Variants in KMT2C observed in about 807,000 individuals in gnomAD.
The protein encoded by KMT2C is histone-lysine N-methyltransferase 2C.
In KMT2C, 88 loss-of-function variants were observed where a neutral mutation model predicts 507.9. The ratio of observed to expected loss-of-function variants is 0.17; its 90% confidence interval spans 0.15 to 0.21. The LOEUF (loss-of-function observed/expected upper bound fraction) is 0.21, where lower values mean the gene tolerates loss of function less well. KMT2C is among the 10% of genes least tolerant of loss of function. The pLI is 1.00. For missense variants in KMT2C, 4,954 were observed against 5,957.8 expected, an observed-to-expected ratio of 0.83 and a Z score of 5.55; for synonymous variants, 2,049 against 2,080.8, an observed-to-expected ratio of 0.98 and a Z score of 0.42.
At chr7:152,316,829 CA>C (rs59137971) in intron 3 of KMT2C, among the ~76,000 whole-genome samples, 5,820 of 144,632 alleles carry the variant, frequency 0.04, 380 homozygotes, top group African/African-American at 0.14. Context: ...AGTGTAATTT[CA>C]AAAAAAAAAA....
chr7:152,209,454 C>CA (rs71198766), intron 23 of KMT2C, among the ~76,000 whole-genome samples: 5,228 of 70,598 alleles, frequency 0.074, 416 homozygotes, highest in African/African-American at 0.18. Flanking sequence ...GACTCCGTCT[C>CA]AAAAAAAAAA....
intron 7 of KMT2C, among the ~76,000 whole-genome samples, chr7:152,266,061 T>C (rs1278663923): frequency 1.3e-5 from 2 of 152,300 alleles, no homozygotes; most frequent in African/African-American, 4.8e-5. Flanking sequence ...ATAAAAAATA[T>C]GCCTGTATAT....
chr7:152,164,059 C>T (rs1206870701), intron 42 of KMT2C, among the ~76,000 whole-genome samples: 4 of 152,136 alleles, frequency 2.6e-5, no homozygotes, highest in Non-Finnish European at 5.9e-5. Context: ...TGTAAAAGTG[C>T]TTCACATATG....
chr7:152,290,273 TATATATATATATATATA>T (rs2096395758), intron 6 of KMT2C, among the ~76,000 whole-genome samples: 2 of 29,752 alleles, frequency 6.7e-5, no homozygotes, highest in Non-Finnish European at 1.3e-4. Context: ...TATATATATA[TATATATATATATATATA>T]TATATTTTTT....
rs62481490 is a variant in KMT2C, at chr7:152,176,718, G to A, written c.8735C>T (p.Thr2912Ile). 2.5e-6 allele frequency: 4 copies of A among 1,614,188 alleles called. No homozygotes were observed. The highest frequency in any genetic ancestry group is 1.6e-4 in the Middle Eastern group (1 of 6,062). Reference protein sequence around the residue: ...AQDVINSCGITGSTPVLSSLL... With the variant: ...AQDVINSCGIIGSTPVLSSLL... ...ACTTGAGAGAACTGGAGTTGATCCAGTTATGCCACAAGAGTTTATTACATC... is the reference window on the plus strand; with the variant it reads ...ACTTGAGAGAACTGGAGTTGATCCAATTATGCCACAAGAGTTTATTACATC... Residue 2912 changes from threonine (T) to isoleucine (I), a missense_variant, in exon 38 of 59, where the codon ACT becomes ATT. Thr to Ile is a moderately conservative substitution (Grantham distance 89). Coordinates refer to ENST00000262189, the MANE Select transcript of KMT2C (RefSeq NM_170606.3).
chr7:152,194,237 T>G lies in KMT2C; in HGVS notation c.4532A>C (p.Lys1511Thr). 1 of 1,533,370 alleles carries G rather than the reference T, an allele frequency of 6.5e-7. No homozygotes were observed. The allele number at this position is 1,533,370 out of a possible 1,614,324, so 95.0% of individuals were successfully genotyped here. Residue 1511 changes from lysine (K) to threonine (T), a missense_variant, in exon 30 of 59, where the codon AAA becomes ACA. By Grantham distance (78) the Lys-to-Thr change is moderately conservative. Coordinates refer to ENST00000262189, the MANE Select transcript of KMT2C (RefSeq NM_170606.3). Reference sequence around the variant, plus strand: ...AATCAAAACACATTTACCTGGAATTTTATATAATTTTCCAAGAATTGCTCC... The same window carrying G: ...AATCAAAACACATTTACCTGGAATTGTATATAATTTTCCAAGAATTGCTCC... ...TDGAILGKLY[K>T]IPELGGKDVE...
chr7:152,282,214 T>C (rs1411390906), intron 6 of KMT2C, among the ~76,000 whole-genome samples: 1 of 151,760 alleles, frequency 6.6e-6, no homozygotes, highest in East Asian at 1.9e-4. Context: ...GGAGAATCGC[T>C]TGAACCCAAG....
At chr7:152,420,569 GC>G (rs2097771187) in intron 1 of KMT2C, among the ~76,000 whole-genome samples, 1 of 152,168 alleles carries the variant, frequency 6.6e-6, no homozygotes, top group South Asian at 2.1e-4. Context: ...TGGCTCAGTG[GC>G]TCACACCTGT....
At chr7:152,339,250 T>C (rs956162520) in intron 2 of KMT2C, among the ~76,000 whole-genome samples, 1 of 152,246 alleles carries the variant, frequency 6.6e-6, no homozygotes, top group African/African-American at 2.4e-5. Flanking sequence ...TCTTTATTTT[T>C]ACTAACCTCT....
chr7:152,301,551 G>A (rs1342444137), intron 6 of KMT2C, among the ~76,000 whole-genome samples: 1 of 151,994 alleles, frequency 6.6e-6, no homozygotes, highest in Non-Finnish European at 1.5e-5. Context: ...GCCAGGTGTG[G>A]TGGCATGCAT....
chr7:152,210,123 C>A (rs1357515154), intron 23 of KMT2C, among the ~76,000 whole-genome samples: 3 of 152,146 alleles, frequency 2.0e-5, no homozygotes, highest in African/African-American at 7.2e-5. Context: ...CTGCCAGACC[C>A]CACGTTTCCC....
At chr7:152,365,936 A>G (rs755707995) in intron 1 of KMT2C, among the ~76,000 whole-genome samples, 2 of 152,214 alleles carry the variant, frequency 1.3e-5, no homozygotes, top group Non-Finnish European at 2.9e-5. Context: ...AAATGAGCAA[A>G]GAACTTCCAC....
At chr7:152,221,154 G>A (rs1190735152) in intron 22 of KMT2C, among the ~76,000 whole-genome samples, 1 of 152,216 alleles carries the variant, frequency 6.6e-6, no homozygotes, top group African/African-American at 2.4e-5. Context: ...CTATGCGGGA[G>A]GCTGAGGCAG....
At chr7:152,198,180 G>C (rs915224849) in intron 27 of KMT2C, among the ~76,000 whole-genome samples, 3 of 152,186 alleles carry the variant, frequency 2.0e-5, no homozygotes, top group African/African-American at 7.2e-5. Flanking sequence ...CAGAATTAAA[G>C]TAGGAGGTAA....
rs757632197 is a variant in KMT2C, at chr7:152,252,528, G to A, written c.1469+18C>T. ...AAACAATCGACAAAACAACTGAATA[G>A]AATAACTATCTTCTTACCTTTTGCA... On this transcript the variant is annotated intron_variant, in intron 10 of 58. Coordinates refer to ENST00000262189, the MANE Select transcript of KMT2C (RefSeq NM_170606.3). 2.6e-5 allele frequency: 42 copies of A among 1,598,516 alleles called. No individual in the cohort carries two copies. The highest frequency in any genetic ancestry group is 3.6e-5 in the Non-Finnish European group (42 of 1,167,990).
intron 1 of KMT2C, among the ~76,000 whole-genome samples, chr7:152,414,568 C>A (rs568319631): frequency 6.6e-6 from 1 of 152,092 alleles, no homozygotes; most frequent in South Asian, 2.1e-4. Context: ...AATGTGAAAA[C>A]TACTCAATAA....
intron 1 of KMT2C, among the ~76,000 whole-genome samples, chr7:152,398,713 T>C (rs2097552207): frequency 6.6e-6 from 1 of 152,154 alleles, no homozygotes; most frequent in South Asian, 2.1e-4. Flanking sequence ...TTTTACTTTT[T>C]AAGTTATGCC....
intron 3 of KMT2C, among the ~76,000 whole-genome samples, chr7:152,316,796 C>T (rs139167624): frequency 1.1e-4 from 16 of 151,074 alleles, no homozygotes; most frequent in Non-Finnish European, 1.8e-4. Flanking sequence ...CTGCTGGTAC[C>T]GAGACATACA....
At chr7:152,264,589 G>A (rs1360630690) in intron 8 of KMT2C, among the ~76,000 whole-genome samples, 3 of 152,112 alleles carry the variant, frequency 2.0e-5, no homozygotes, top group Non-Finnish European at 4.4e-5. Flanking sequence ...ACACATGACT[G>A]ATTTTTTGGC....
Sources: allele counts gnomAD v4.1 joint callset (sites outside exome capture counted in the v4.1 genomes callset), GRCh38; gene constraint gnomAD v4.1.1; transcripts MANE v1.5; gene names NCBI Gene and HGNC (gene_info 2026-07-23, HGNC 2026-07-21).